MBNL1: variants seen among roughly 807,000 people sequenced by gnomAD.
MBNL1 encodes muscleblind like splicing regulator 1.
MBNL1 carries 8 observed loss-of-function variants against 42.2 expected under a neutral mutation model. The ratio of observed to expected loss-of-function variants is 0.19; its 90% confidence interval spans 0.11 to 0.34. MBNL1 has a LOEUF of 0.34. Among genes scored for constraint, MBNL1 ranks in the 10% least tolerant of loss-of-function variants. The probability of loss-of-function intolerance (pLI) is 1.00; values close to 1 mark genes in which losing one functional copy is unlikely to be tolerated. For synonymous variants in MBNL1, 169 were observed against 173.9 expected (o/e 0.97, Z 0.22); for missense variants, 309 against 495.3 (o/e 0.62, Z 3.57).
At chr3:152,361,344 G>T (rs2095928793) in intron 2 of MBNL1, among the ~76,000 whole-genome samples, 2 of 151,758 alleles carry the variant, frequency 1.3e-5, no homozygotes, top group African/African-American at 4.8e-5. Flanking sequence ...AGACAGAGAG[G>T]CAGGCAGATC....
At chr3:152,302,466 A>C (rs1560057444) in intron 2 of MBNL1, 1 of 152,186 alleles carries the variant, frequency 6.6e-6, no homozygotes, top group Non-Finnish European at 1.5e-5. Context: ...TATGTAATTA[A>C]GCATTTATGT....
At chr3:152,326,778 A>ATTATTTATTTAT (rs3988216) in intron 2 of MBNL1, among the ~76,000 whole-genome samples, 18,998 of 141,794 alleles carry the variant, frequency 0.13, 1,427 homozygotes, top group East Asian at 0.17. Flanking sequence ...CCTTGGGAAA[A>ATTATTTATTTAT]TTATTTATTT....
rs1296119628 is a variant in MBNL1, at chr3:152,463,411, C to G, written c.*1045C>G. 1 of 152,320 alleles carries G rather than the reference C, an allele frequency of 6.6e-6. No homozygotes were observed. The highest frequency in any genetic ancestry group is 2.4e-5 in the African/African-American group (1 of 41,422). The allele number at this position is 152,320 out of a possible 1,614,324, so 9.4% of individuals were successfully genotyped here. On this transcript the variant is annotated 3_prime_UTR_variant, in exon 10 of 10. Transcript: ENST00000324210. ...AAATTATTTTGCTTCTATTTATAGC[C>G]TCTGTCAAAAGTCAAAAGACTATAA... is the stretch of plus-strand genomic sequence containing the variant.
At chr3:152,258,369 A>G (rs2035742011) in intron 2 of MBNL1, among the ~76,000 whole-genome samples, 1 of 152,250 alleles carries the variant, frequency 6.6e-6, no homozygotes, top group South Asian at 2.1e-4. Flanking sequence ...AAAATTGTCC[A>G]AAATCTTATG....
intron 3 of MBNL1, among the ~76,000 whole-genome samples, chr3:152,431,016 C>T (rs1440441318): frequency 6.6e-6 from 1 of 152,188 alleles, no homozygotes; most frequent in African/African-American, 2.4e-5. Flanking sequence ...TTAGGTATTA[C>T]ATATTCTGTT....
chr3:152,316,264 G>T (rs753911367), intron 2 of MBNL1, among the ~76,000 whole-genome samples: 11 of 152,192 alleles, frequency 7.2e-5, no homozygotes, highest in Non-Finnish European at 1.5e-4. Flanking sequence ...AAACTTGTCA[G>T]TTCTGAACTT....
intron 2 of MBNL1, chr3:152,262,526 A>C (rs765128903): frequency 6.6e-6 from 1 of 152,148 alleles, no homozygotes; most frequent in Non-Finnish European, 1.5e-5. Context: ...GAGTAAGTAG[A>C]TAGATACAGC....
chr3:152,393,519 A>G (rs777620707), intron 2 of MBNL1, among the ~76,000 whole-genome samples: 2 of 152,204 alleles, frequency 1.3e-5, no homozygotes, highest in African/African-American at 2.4e-5. Flanking sequence ...AAGGAAATGA[A>G]TGTTACGGTG....
At chr3:152,395,500 T>C (rs906803945) in intron 2 of MBNL1, among the ~76,000 whole-genome samples, 1 of 152,196 alleles carries the variant, frequency 6.6e-6, no homozygotes, top group African/African-American at 2.4e-5. Context: ...TTGAACAATT[T>C]AGGCAGCTGT....
intron 3 of MBNL1, among the ~76,000 whole-genome samples, chr3:152,421,282 C>T (rs1025473406): frequency 6.6e-6 from 1 of 151,934 alleles, no homozygotes; most frequent in African/African-American, 2.4e-5. Flanking sequence ...TTTTTCGTAC[C>T]CCAGTGGTGC....
intron 3 of MBNL1, among the ~76,000 whole-genome samples, chr3:152,426,742 A>G (rs754064668): frequency 6.6e-6 from 1 of 152,244 alleles, no homozygotes; most frequent in Admixed American, 6.5e-5. Flanking sequence ...TGGGTAAACA[A>G]ATTAGCTATC....
At chr3:152,268,407 G>C (rs866510611), upstream of MBNL1, 1 of 218,668 alleles carries the variant, frequency 4.6e-6, no homozygotes. Flanking sequence ...TGCATTTTAA[G>C]GCGGCAGTCT....
intron 3 of MBNL1, among the ~76,000 whole-genome samples, chr3:152,425,634 A>G (rs956883959): frequency 1.3e-5 from 2 of 152,090 alleles, no homozygotes; most frequent in African/African-American, 4.8e-5. Flanking sequence ...AAAGAAATGC[A>G]AATCAAAACC....
At chr3:152,400,076 C>T (rs1338933465) in intron 2 of MBNL1, among the ~76,000 whole-genome samples, 2 of 152,096 alleles carry the variant, frequency 1.3e-5, no homozygotes, top group Non-Finnish European at 2.9e-5. Context: ...ACTGCAGTTT[C>T]CTGATTTGTA....
chr3:152,374,907 C>T (rs762550160), intron 2 of MBNL1, among the ~76,000 whole-genome samples: 11 of 152,172 alleles, frequency 7.2e-5, no homozygotes, highest in Non-Finnish European at 1.3e-4. Context: ...TATATTATTT[C>T]TTGGAACTTG....
At chr3:152,427,828 A>G (rs942203258) in intron 3 of MBNL1, among the ~76,000 whole-genome samples, 7 of 151,330 alleles carry the variant, frequency 4.6e-5, no homozygotes, top group Non-Finnish European at 7.4e-5. Context: ...ATATACATAC[A>G]TAAAATCTAG....
chr3:152,297,024 T>C (rs2058795990), intron 1 of MBNL1, among the ~76,000 whole-genome samples: 1 of 152,048 alleles, frequency 6.6e-6, no homozygotes, highest in Non-Finnish European at 1.5e-5. Context: ...TGGATAGAGA[T>C]GGGGATAATG....
chr3:152,253,717 GC>G (rs765733305), intron 2 of MBNL1, among the ~76,000 whole-genome samples: 28 of 152,026 alleles, frequency 1.8e-4, no homozygotes, highest in Non-Finnish European at 3.1e-4. Context: ...TTTTCCACAT[GC>G]CCTTCTCTTT....
intron 1 of MBNL1, among the ~76,000 whole-genome samples, chr3:152,296,371 CTG>C (rs1391365976): frequency 2.0e-5 from 3 of 152,196 alleles, no homozygotes; most frequent in Non-Finnish European, 2.9e-5. Context: ...GGAAGCTTAA[CTG>C]TGGGCAGGAG....
Sources: allele counts gnomAD v4.1 joint callset (sites outside exome capture counted in the v4.1 genomes callset), GRCh38; gene constraint gnomAD v4.1.1; transcripts MANE v1.5; gene names NCBI Gene and HGNC (gene_info 2026-07-23, HGNC 2026-07-21).